The following CADM1 variants were observed in gnomAD, a reference collection of about 807,000 sequenced individuals.
CADM1 encodes cell adhesion molecule 1.
In CADM1, 15 loss-of-function variants were observed where a neutral mutation model predicts 53.1. The observed-to-expected ratio is 0.28, with a 90% CI of 0.19 to 0.44. The LOEUF is 0.44. CADM1 is among the 20% of genes least tolerant of loss of function. The probability of loss-of-function intolerance (pLI) is 1.00; values close to 1 mark genes in which losing one functional copy is unlikely to be tolerated. For missense variants in CADM1, 434 were observed against 611.3 expected (o/e 0.71, Z 3.06); for synonymous variants, 281 against 243.0 (o/e 1.16, Z -1.45).
At chr11:115,207,090 T>G (rs148361223) in intron 8 of CADM1, among the ~76,000 whole-genome samples, 24 of 152,262 alleles carry the variant, frequency 1.6e-4, no homozygotes, top group African/African-American at 5.1e-4. Context: ...TATATAAGAC[T>G]GCTTGTTAAG....
chr11:115,386,690 G>C (rs936864811), intron 1 of CADM1, among the ~76,000 whole-genome samples: 3 of 119,264 alleles, frequency 2.5e-5, no homozygotes, highest in African/African-American at 9.8e-5. Flanking sequence ...TCCATGAATA[G>C]ATTAATCAAT....
intron 1 of CADM1, among the ~76,000 whole-genome samples, chr11:115,432,673 G>T (rs538176161): frequency 6.6e-6 from 1 of 152,232 alleles, no homozygotes; most frequent in African/African-American, 2.4e-5. Context: ...CTTCCTGCAC[G>T]GTTGTTATAT....
chr11:115,426,255 ATCTC>A (rs2135282902), intron 1 of CADM1, among the ~76,000 whole-genome samples: 1 of 152,312 alleles, frequency 6.6e-6, no homozygotes, highest in Admixed American at 6.5e-5. Context: ...GGTTAAAATG[ATCTC>A]TCTCACAGAT....
chr11:115,422,086 T>C (rs1271658133), intron 1 of CADM1, among the ~76,000 whole-genome samples: 1 of 152,110 alleles, frequency 6.6e-6, no homozygotes, highest in Non-Finnish European at 1.5e-5. Flanking sequence ...AGCAAACAAG[T>C]AAAATTACGC....
intron 1 of CADM1, among the ~76,000 whole-genome samples, chr11:115,446,850 T>TA (rs1273849128): frequency 2.0e-5 from 3 of 152,064 alleles, no homozygotes; most frequent in Admixed American, 6.5e-5. Flanking sequence ...ACATTTCAAA[T>TA]AAAAAACCAG....
chr11:115,191,313 A>G (rs1027245098), intron 9 of CADM1, among the ~76,000 whole-genome samples: 3 of 152,226 alleles, frequency 2.0e-5, no homozygotes, highest in Non-Finnish European at 4.4e-5. Context: ...TGATGTATGT[A>G]CATTTTATTT....
At chr11:115,249,301 GA>G (rs1162692438) in intron 1 of CADM1, among the ~76,000 whole-genome samples, 1 of 152,192 alleles carries the variant, frequency 6.6e-6, no homozygotes, top group Non-Finnish European at 1.5e-5. Flanking sequence ...TTTCTAGAGT[GA>G]AAACCGGTTA....
chr11:115,484,624 T>G (rs1355111955), intron 1 of CADM1, among the ~76,000 whole-genome samples: 1 of 152,160 alleles, frequency 6.6e-6, no homozygotes, highest in Non-Finnish European at 1.5e-5. Context: ...TTTGGCGTAC[T>G]GGTATGCTAC....
At chr11:115,204,968 G>C (rs182682475) in intron 8 of CADM1, among the ~76,000 whole-genome samples, 1 of 152,190 alleles carries the variant, frequency 6.6e-6, no homozygotes, top group East Asian at 1.9e-4. Context: ...AATTGGGTAC[G>C]TACTTTTAAA....
chr11:115,176,620 G>T, intron 11 of CADM1, 28 bp from the exon 12 acceptor site: 2 of 1,580,848 alleles, frequency 1.3e-6, no homozygotes, highest in South Asian at 1.1e-5. Context: ...AAAGCACCGT[G>T]ACTGTCTGAT....
intron 8 of CADM1, among the ~76,000 whole-genome samples, chr11:115,202,986 T>G (rs1276254770): frequency 2.6e-5 from 4 of 152,044 alleles, no homozygotes; most frequent in Admixed American, 1.3e-4. Flanking sequence ...TATGTTTTAA[T>G]CAAACTCCCC....
chr11:115,181,577 A>C (rs1354238249), intron 10 of CADM1, among the ~76,000 whole-genome samples: 1 of 152,204 alleles, frequency 6.6e-6, no homozygotes, highest in Non-Finnish European at 1.5e-5. Flanking sequence ...TGTTTAATTT[A>C]CAGGGAACAC....
At chr11:115,193,432 A>G (rs1939991770) in intron 9 of CADM1, among the ~76,000 whole-genome samples, 1 of 152,228 alleles carries the variant, frequency 6.6e-6, no homozygotes, top group South Asian at 2.1e-4. Context: ...TATATGCATG[A>G]TAGCCATCTC....
intron 1 of CADM1, among the ~76,000 whole-genome samples, chr11:115,400,597 C>T (rs11215534): frequency 1 from 133,705 of 133,796 alleles, 66,807 homozygotes; most frequent in Non-Finnish European, 1. Flanking sequence ...ATATATCTCT[C>T]ATATATATAA....
chr11:115,460,828 C>G lies in CADM1; in HGVS notation c.124+43443G>C, dbSNP rs73581161. Among the ~76,000 whole-genome samples the G allele has an allele frequency of 2.1e-3, 314 of 152,036 alleles. 1 individual carries two copies. Among genetic ancestry groups the G allele is most frequent in the African/African-American group, 6.0e-3 (249 of 41,522 alleles). On this transcript the variant is annotated intron_variant, in intron 1 of 11. Transcript: ENST00000331581. Reference sequence around the variant, plus strand: ...AGCACTTATATCAACTGGACACTGGCTCAATGTTTTCCATTTTTCTTTTTC... The same window carrying G: ...AGCACTTATATCAACTGGACACTGGGTCAATGTTTTCCATTTTTCTTTTTC...
rs1942182069 is a variant in CADM1, at chr11:115,240,302, C to T, written c.243G>A (p.Arg81=). 6.2e-7 allele frequency: 1 copy of T among 1,613,758 alleles called. No homozygotes were observed. ...TGAAGTCCCTGAAATAAATGGTCTG[C>T]CTGTTGGGATTCAGTAGCTGAATCA... is the stretch of plus-strand genomic sequence containing the variant. ...DSVIQLLNPN[R]QTIYFRDFRP... The change falls in exon 2 of 12, where the codon AGG becomes AGA. Residue 81 remains arginine, a synonymous_variant. Coordinates refer to ENST00000331581, the MANE Select transcript of CADM1 (RefSeq NM_001301043.2).
chr11:115,429,247 C>T (rs77576299), intron 1 of CADM1, among the ~76,000 whole-genome samples: 95 of 152,246 alleles, frequency 6.2e-4, no homozygotes, highest in African/African-American at 2.2e-3. Flanking sequence ...AAATAGCACT[C>T]TCTGAATGCA....
At chr11:115,307,617 G>C (rs1944412088) in intron 1 of CADM1, among the ~76,000 whole-genome samples, 1 of 151,512 alleles carries the variant, frequency 6.6e-6, no homozygotes, top group African/African-American at 2.4e-5. Context: ...GGATTAACTA[G>C]ATCCTAAGTA....
At chr11:115,495,456 AAAGG>A (rs1305822046) in intron 1 of CADM1, among the ~76,000 whole-genome samples, 1 of 152,190 alleles carries the variant, frequency 6.6e-6, no homozygotes, top group South Asian at 2.1e-4. Flanking sequence ...GGCAAGCAAA[AAAGG>A]AAGGAAGAAC....
Sources: allele counts gnomAD v4.1 joint callset (sites outside exome capture counted in the v4.1 genomes callset), GRCh38; gene constraint gnomAD v4.1.1; transcripts MANE v1.5; gene names NCBI Gene and HGNC (gene_info 2026-07-23, HGNC 2026-07-21).